ABCA4: variants seen among roughly 807,000 people sequenced by gnomAD.
ABCA4 encodes the protein retinal-specific phospholipid-transporting ATPase ABCA4.
Under a neutral mutation model 263.7 loss-of-function variants are expected in ABCA4, and 196 were observed. The observed-to-expected ratio is 0.74, with a 90% CI of 0.66 to 0.84. ABCA4 has a LOEUF of 0.84. Among genes scored for constraint, ABCA4 ranks in the 40% least tolerant of loss-of-function variants. The probability of loss-of-function intolerance (pLI) is 0.00; values close to 1 mark genes in which losing one functional copy is unlikely to be tolerated. For synonymous variants in ABCA4, 1,133 were observed against 1,094.2 expected (o/e 1.04, Z -0.70); for missense variants, 2,792 against 2,855.1 (o/e 0.98, Z 0.50).
chr1:94,011,676 T>A (rs565155), intron 38 of ABCA4, among the ~76,000 whole-genome samples: 3 of 152,204 alleles, frequency 2.0e-5, no homozygotes, highest in African/African-American at 7.2e-5. Context: ...GGCGGGAGCT[T>A]CCCCTTTGTC....
chr1:94,006,479 G>A (rs1421254520), intron 43 of ABCA4, among the ~76,000 whole-genome samples: 1 of 152,172 alleles, frequency 6.6e-6, no homozygotes. Context: ...TCATAAATGT[G>A]CTCATGGAAA....
Position 94,080,727 on chromosome 1 carries a change from A to G in ABCA4, c.859-9T>C, listed in dbSNP as rs529598960. 81 of 1,614,188 alleles carry G rather than the reference A, an allele frequency of 5.0e-5. 1 individual carries two copies. In the South Asian group the frequency reaches 8.3e-4, roughly 17 times the overall value. On this transcript the variant is annotated splice_polypyrimidine_tract_variant and intron_variant, in intron 7 of 49. Coordinates refer to ENST00000370225, the MANE Select transcript of ABCA4 (RefSeq NM_000350.3). ...CTCGGCCGATGGATAAACTAGGGCAAGGCAAAGTCTTCAGGTTATTTTAAG... is the reference window on the plus strand; with the variant it reads ...CTCGGCCGATGGATAAACTAGGGCAGGGCAAAGTCTTCAGGTTATTTTAAG...
At chr1:94,009,577 A>C (rs1659491150) in intron 40 of ABCA4, among the ~76,000 whole-genome samples, 1 of 152,066 alleles carries the variant, frequency 6.6e-6, no homozygotes, top group Non-Finnish European at 1.5e-5. Context: ...CAGCCTCCGC[A>C]TGTGTTTCCA....
chr1:94,106,683 T>C (rs1184698963), intron 4 of ABCA4, among the ~76,000 whole-genome samples: 2 of 152,212 alleles, frequency 1.3e-5, no homozygotes, highest in Non-Finnish European at 2.9e-5. Flanking sequence ...GTTTACTAGT[T>C]TGAAACAATG....
At position 93,996,374 on chromosome 1, in the gene ABCA4, C is replaced by T. The variant is rs369007978; in HGVS notation, c.6730-179G>A. On this transcript the variant is annotated intron_variant, in intron 48 of 49. Transcript: ENST00000370225. ...GAAGCCTGGCCACCACTGCCCTGGT[C>T]AGAGCTAGCTTCTTAGACTAGACTC... Among the ~76,000 whole-genome samples, 28 of 152,356 alleles carry T rather than the reference C, an allele frequency of 1.8e-4. 2 individuals are homozygous for T. Among genetic ancestry groups the T allele is most frequent in the Admixed American group, 9.8e-4 (15 of 15,302 alleles).
intron 3 of ABCA4, among the ~76,000 whole-genome samples, chr1:94,110,286 C>A (rs1203758501): frequency 3.3e-5 from 5 of 152,232 alleles, no homozygotes; most frequent in Admixed American, 3.3e-4. Flanking sequence ...GTCTCTATCA[C>A]AACTACTCAA....
chr1:94,018,237 C>T (rs140109634), intron 36 of ABCA4, among the ~76,000 whole-genome samples: 1 of 152,340 alleles, frequency 6.6e-6, no homozygotes, highest in Non-Finnish European at 1.5e-5. Flanking sequence ...GTGGGCCAGC[C>T]CCAAGTGTGT....
chr1:93,993,345 G>T (rs1253789102), intron 49 of ABCA4, 103 bp from the exon 50 acceptor site: 15 of 1,481,986 alleles, frequency 1.0e-5, no homozygotes, highest in African/African-American at 4.2e-5. Context: ...ATTTCTGAAG[G>T]GCACTCAGCT....
chr1:94,092,632 C>T (rs1661999767), intron 6 of ABCA4, among the ~76,000 whole-genome samples: 1 of 152,104 alleles, frequency 6.6e-6, no homozygotes, highest in Non-Finnish European at 1.5e-5. Context: ...CTGAGTGTCT[C>T]AACTAGAGGG....
At chr1:94,084,512 C>T (rs1661782822) in intron 6 of ABCA4, among the ~76,000 whole-genome samples, 1 of 152,244 alleles carries the variant, frequency 6.6e-6, no homozygotes, top group Non-Finnish European at 1.5e-5. Flanking sequence ...TGCCCCTCTC[C>T]TCTTGGCTGT....
chr1:94,114,028 G>A (rs1662681374), intron 1 of ABCA4, among the ~76,000 whole-genome samples: 10 of 152,194 alleles, frequency 6.6e-5, no homozygotes, highest in Admixed American at 5.2e-4. Flanking sequence ...AGGGACCTTA[G>A]GAAGGAAACA....
intron 11 of ABCA4, among the ~76,000 whole-genome samples, chr1:94,075,864 C>T (rs1025374492): frequency 2.0e-5 from 3 of 152,138 alleles, no homozygotes; most frequent in Non-Finnish European, 4.4e-5. Context: ...GTTTAGCTGC[C>T]CAGCCAGAGA....
At chr1:94,029,665 C>T in intron 29 of ABCA4, 34 bp from the exon 30 acceptor site, 1 of 1,596,218 alleles carries the variant, frequency 6.3e-7, no homozygotes, top group Non-Finnish European at 8.6e-7. Context: ...CCATAATCAG[C>T]CTCAAAGTTG....
Position 94,001,049 on chromosome 1 carries a change from G to A in ABCA4, c.6339C>T (p.Ile2113=), listed in dbSNP as rs61750649. ...CCCTCCCTTCTCTGATGATGCTCACGATGACGTTCCACAGCATGCGGCGTG... is the reference window on the plus strand; with the variant it reads ...CCCTCCCTTCTCTGATGATGCTCACAATGACGTTCCACAGCATGCGGCGTG... ...PQARRMLWNV[I]VSIIREGRAV... The change falls in exon 46 of 50, where the codon ATC becomes ATT. Residue 2113 remains isoleucine, a synonymous_variant. Transcript: ENST00000370225. 6 of 1,614,056 alleles carry A rather than the reference G, an allele frequency of 3.7e-6. No homozygotes were observed. In the East Asian group the frequency reaches 6.7e-5, roughly 18 times the overall value.
At chr1:93,993,291 G>A in intron 49 of ABCA4, 49 bp from the exon 50 acceptor site, 1 of 1,612,954 alleles carries the variant, frequency 6.2e-7, no homozygotes, top group South Asian at 1.1e-5. Context: ...TTTCTGAGAT[G>A]CTGTACTACT....
chr1:94,028,644 C>A (rs77907579), intron 30 of ABCA4, among the ~76,000 whole-genome samples: 5 of 152,080 alleles, frequency 3.3e-5, no homozygotes, highest in Non-Finnish European at 7.4e-5. Flanking sequence ...CAGTGGCTGA[C>A]GCTTGTAATC....
At chr1:94,028,930 A>AAAAACAAAC (rs35998587) in intron 30 of ABCA4, among the ~76,000 whole-genome samples, 1 of 108,032 alleles carries the variant, frequency 9.3e-6, no homozygotes, top group African/African-American at 3.8e-5. Flanking sequence ...AAAAAAAAAA[A>AAAAACAAAC]GAAATTCAAA....
intron 38 of ABCA4, among the ~76,000 whole-genome samples, chr1:94,013,039 T>C (rs12082181): frequency 0.078 from 11,840 of 152,248 alleles, 886 homozygotes; most frequent in African/African-American, 0.19. Context: ...AAATGTTGGC[T>C]AAATGGGTGC....
At chr1:94,017,460 A>G (rs1435375448) in intron 36 of ABCA4, among the ~76,000 whole-genome samples, 1 of 152,258 alleles carries the variant, frequency 6.6e-6, no homozygotes, top group Non-Finnish European at 1.5e-5. Context: ...TGTCAAGACC[A>G]TGAGTGTTAA....
Sources: allele counts gnomAD v4.1 joint callset (sites outside exome capture counted in the v4.1 genomes callset), GRCh38; gene constraint gnomAD v4.1.1; transcripts MANE v1.5; gene names NCBI Gene and HGNC (gene_info 2026-07-23, HGNC 2026-07-21).